Variants in PCDH15 observed in about 807,000 individuals in gnomAD.
PCDH15 encodes protocadherin related 15, also known as protocadherin-15.
PCDH15 carries 129 observed loss-of-function variants against 178.5 expected under a neutral mutation model. That is an observed-to-expected ratio of 0.72 (90% CI 0.63 to 0.84). The LOEUF (loss-of-function observed/expected upper bound fraction) is 0.84, where lower values mean the gene tolerates loss of function less well. PCDH15 is among the 40% of genes least tolerant of loss of function. PCDH15 has a pLI of 0.00. For synonymous variants in PCDH15, 800 were observed against 732.0 expected, an observed-to-expected ratio of 1.09 and a Z score of -1.50; for missense variants, 2,230 against 2,099.9, an observed-to-expected ratio of 1.06 and a Z score of -1.21.
At chr10:54,838,304 T>C (rs555873267) in intron 3 of PCDH15, among the ~76,000 whole-genome samples, 3 of 152,210 alleles carry the variant, frequency 2.0e-5, no homozygotes, top group Admixed American at 2.0e-4. Context: ...TGGGTGCAGT[T>C]TCCCACATGT....
chr10:55,135,314 C>T (rs994954048), intron 2 of PCDH15, among the ~76,000 whole-genome samples: 2 of 152,070 alleles, frequency 1.3e-5, no homozygotes, highest in Admixed American at 6.6e-5. Context: ...ACTCCATCTT[C>T]GCCTCTGCCT....
intron 2 of PCDH15, among the ~76,000 whole-genome samples, chr10:54,912,961 C>T (rs1954843354): frequency 6.6e-6 from 1 of 152,074 alleles, no homozygotes; most frequent in Non-Finnish European, 1.5e-5. Context: ...CAAGATGTGA[C>T]CTGGCTGCTT....
intron 3 of PCDH15, among the ~76,000 whole-genome samples, chr10:54,386,100 TTGTG>T (rs60205554): frequency 0.17 from 23,451 of 139,500 alleles, 1,976 homozygotes; most frequent in South Asian, 0.25. Flanking sequence ...TAGTTATTAG[TTGTG>T]TGTGTGTGTG....
At chr10:55,139,825 G>A (rs1165288142) in intron 2 of PCDH15, among the ~76,000 whole-genome samples, 1 of 151,660 alleles carries the variant, frequency 6.6e-6, no homozygotes, top group Non-Finnish European at 1.5e-5. Context: ...TAAAATCTTG[G>A]TATTTTAGTA....
chr10:55,000,322 C>A (rs1157523992), intron 2 of PCDH15, among the ~76,000 whole-genome samples: 1 of 152,160 alleles, frequency 6.6e-6, no homozygotes, highest in Non-Finnish European at 1.5e-5. Flanking sequence ...AAAAAGAATT[C>A]AGCGATATTT....
chr10:53,985,208 T>TA lies in PCDH15; in HGVS notation c.2868+10440dup, dbSNP rs796249705. 3.9e-3 allele frequency among the ~76,000 whole-genome samples: 580 copies of TA among 149,650 alleles called. 2 individuals are homozygous for TA. Among genetic ancestry groups the TA allele is most frequent in the African/African-American group, 0.013 (514 of 40,922 alleles). Reference sequence around the variant, plus strand: ...AAAACTGTAGAAGCTTCTGTGTGCTTAAAAAAAAAACTTTATATAATGGTA... The same window carrying TA: ...AAAACTGTAGAAGCTTCTGTGTGCTTAAAAAAAAAAACTTTATATAATGGTA... On this transcript the variant is annotated intron_variant, in intron 21 of 37. Transcript: ENST00000644397.
rs1642278597 is a variant in PCDH15, at chr10:54,205,411, C to G, written c.1098+8525G>C. 5.9e-5 allele frequency among the ~76,000 whole-genome samples: 9 copies of G among 151,756 alleles called. No individual in the cohort carries two copies. In the South Asian group the frequency reaches 1.9e-3, roughly 32 times the overall value. On this transcript the variant is annotated intron_variant, in intron 10 of 37. Transcript: ENST00000644397. ...ATTCTCTGTAGGATCCTGCAGCTCACTGAAGCTCTACAAAAGCTATAGGTC... is the reference window on the plus strand; with the variant it reads ...ATTCTCTGTAGGATCCTGCAGCTCAGTGAAGCTCTACAAAAGCTATAGGTC...
chr10:55,290,182 T>C (rs912809676), intron 1 of PCDH15, among the ~76,000 whole-genome samples: 2 of 151,924 alleles, frequency 1.3e-5, no homozygotes, highest in African/African-American at 4.8e-5. Flanking sequence ...AAACCGTACA[T>C]GTTTGTGTGA....
chr10:53,919,037 T>C (rs2083775084), intron 25 of PCDH15, among the ~76,000 whole-genome samples: 2 of 152,356 alleles, frequency 1.3e-5, no homozygotes, highest in South Asian at 4.1e-4. Flanking sequence ...TGGATTCTTC[T>C]GTTGCATCAG....
At chr10:55,535,168 A>C (rs925984967) in intron 2 of PCDH15, among the ~76,000 whole-genome samples, 4 of 152,116 alleles carry the variant, frequency 2.6e-5, no homozygotes, top group Admixed American at 2.6e-4. Context: ...CTGTATCTAA[A>C]GTAGAAGTTT....
intron 2 of PCDH15, among the ~76,000 whole-genome samples, chr10:55,439,944 T>C (rs1477987612): frequency 6.6e-6 from 1 of 152,170 alleles, no homozygotes; most frequent in Non-Finnish European, 1.5e-5. Context: ...TCAGTGTATA[T>C]ATAATACAAA....
At chr10:54,443,441 C>T (rs1005784186) in intron 3 of PCDH15, among the ~76,000 whole-genome samples, 9 of 151,098 alleles carry the variant, frequency 6.0e-5, no homozygotes, top group African/African-American at 1.9e-4. Context: ...AGAAAATGTA[C>T]TAGGCACTTA....
At chr10:55,593,232 C>T (rs7082119) in intron 2 of PCDH15, among the ~76,000 whole-genome samples, 49,257 of 151,448 alleles carry the variant, frequency 0.33, 8,432 homozygotes, top group East Asian at 0.49. Flanking sequence ...AATTTCTTTT[C>T]CAAAATGTAT....
At chr10:54,122,625 G>T (rs964412048) in intron 15 of PCDH15, among the ~76,000 whole-genome samples, 1 of 151,782 alleles carries the variant, frequency 6.6e-6, no homozygotes, top group Non-Finnish European at 1.5e-5. Flanking sequence ...CTTCACTGGT[G>T]ATATGATTTT....
At chr10:54,453,285 G>C (rs1011731889) in intron 3 of PCDH15, among the ~76,000 whole-genome samples, 3 of 152,118 alleles carry the variant, frequency 2.0e-5, no homozygotes, top group Non-Finnish European at 2.9e-5. Flanking sequence ...ACTGGATGAA[G>C]AAAATGTGGC....
At chr10:54,878,820 C>T (rs1389823501) in intron 3 of PCDH15, among the ~76,000 whole-genome samples, 2 of 152,082 alleles carry the variant, frequency 1.3e-5, no homozygotes, top group Non-Finnish European at 2.9e-5. Context: ...GATGCTCTCC[C>T]TCCCCCTACC....
At chr10:54,122,972 G>A (rs1290399987) in intron 15 of PCDH15, among the ~76,000 whole-genome samples, 1 of 151,622 alleles carries the variant, frequency 6.6e-6, no homozygotes, top group Non-Finnish European at 1.5e-5. Context: ...GCTATATGCA[G>A]AAGAATGAAA....
chr10:55,499,435 ACACACACACACACACAC>A (rs1329906253), intron 2 of PCDH15, among the ~76,000 whole-genome samples: 2 of 151,232 alleles, frequency 1.3e-5, no homozygotes, highest in African/African-American at 4.8e-5. Context: ...ACACACACAC[ACACACACACACACACAC>A]AAATAATGTT....
At chr10:55,445,780 C>T (rs1203635163) in intron 2 of PCDH15, among the ~76,000 whole-genome samples, 1 of 152,142 alleles carries the variant, frequency 6.6e-6, no homozygotes, top group Non-Finnish European at 1.5e-5. Context: ...ACAGGAGGAT[C>T]ACGTGCAACT....
Sources: gnomAD v4.1 joint callset for allele counts (sites outside exome capture counted in the v4.1 genomes callset) on GRCh38, gnomAD v4.1.1 for gene constraint, MANE v1.5 for transcripts, NCBI Gene and HGNC (gene_info 2026-07-23, HGNC 2026-07-21) for gene names.